TRAT1: variants seen among roughly 807,000 people sequenced by gnomAD.
TRAT1 encodes T cell receptor associated transmembrane adaptor 1.
Under a neutral mutation model 20.0 loss-of-function variants are expected in TRAT1, and 20 were observed. That is an observed-to-expected ratio of 1.00 (90% CI 0.70 to 1.45). The LOEUF is 1.45. TRAT1 is among the 40% of genes most tolerant of loss of function. The pLI is 0.00. For synonymous variants in TRAT1, 77 were observed against 74.2 expected, an observed-to-expected ratio of 1.04 and a Z score of -0.20; for missense variants, 237 against 224.1, an observed-to-expected ratio of 1.06 and a Z score of -0.37.
chr3:108,838,970 A>T lies in TRAT1; in HGVS notation c.152+3A>T, dbSNP rs761586345. On this transcript the variant is annotated splice_donor_region_variant and intron_variant, in intron 3 of 5. Transcript: ENST00000295756. ...AGCTACTCCAGTGACCACACCAGGT[A>T]TGTTGTGATTCAGTCATGGATCATG... 56 of 1,603,460 alleles carry T rather than the reference A, an allele frequency of 3.5e-5. No homozygotes were observed. The Admixed American group carries it at 8.7e-4, about 25-fold the overall frequency.
rs1169665074 is a variant in TRAT1, at chr3:108,847,057, C to G, written c.153-11C>G. 6.9e-7 allele frequency: 1 copy of G among 1,444,844 alleles called. No individual in the cohort carries two copies. Among genetic ancestry groups the G allele is most frequent in the Non-Finnish European group, 9.6e-7 (1 of 1,040,008 alleles). The allele number at this position is 1,444,844 out of a possible 1,614,324, so 89.5% of individuals were successfully genotyped here. ...GAATCTAATAAGGTAAATTATTTTT[C>G]CTTGTTATAGGGTTGATGAGTATTA... On this transcript the variant is annotated splice_polypyrimidine_tract_variant and intron_variant, in intron 3 of 5. Coordinates refer to ENST00000295756, the MANE Select transcript of TRAT1 (RefSeq NM_016388.4).
At chr3:108,830,821 T>C in intron 2 of TRAT1, 41 bp downstream of exon 2, 1 of 1,231,452 alleles carries the variant, frequency 8.1e-7, no homozygotes. Flanking sequence ...CCTGCTTGAA[T>C]GGAGACTATG....
intron 4 of TRAT1, 34 bp downstream of exon 4, chr3:108,847,163 T>A: frequency 7.7e-7 from 1 of 1,301,728 alleles, no homozygotes; most frequent in Non-Finnish European, 1.1e-6. Flanking sequence ...TATAAATAAG[T>A]AAATCCCAGT....
chr3:108,850,588 G>A (rs1002933747), intron 5 of TRAT1, among the ~76,000 whole-genome samples: 1 of 152,222 alleles, frequency 6.6e-6, no homozygotes. Flanking sequence ...ACAGGCATGA[G>A]CCATCGTGCC....
chr3:108,834,293 G>T lies in TRAT1; in HGVS notation c.118+3513G>T, dbSNP rs78290135. ...ATACACTGGAACTTGCATTTTATTG[G>T]TGTGCAATTGATGTATTCATCAACG... On this transcript the variant is annotated intron_variant, in intron 2 of 5. Transcript: ENST00000295756. Among the ~76,000 whole-genome samples the T allele has an allele frequency of 9.5e-3, 1,445 of 152,236 alleles. 8 individuals are homozygous for T. The highest frequency in any genetic ancestry group is 0.015 in the Non-Finnish European group (987 of 68,008).
rs1053737476 is a variant in TRAT1, at chr3:108,851,440, A to G, written c.304-2180A>G. Among the ~76,000 whole-genome samples, 8 of 152,064 alleles carry G rather than the reference A, an allele frequency of 5.3e-5. 1 individual carries two copies. The highest frequency in any genetic ancestry group is 3.9e-4 in the Admixed American group (6 of 15,248). On this transcript the variant is annotated intron_variant, in intron 5 of 5. Coordinates refer to ENST00000295756, the MANE Select transcript of TRAT1 (RefSeq NM_016388.4). ...CTCTTCATATCCAAATCTCTAATCA[A>G]TCTTTTCCTCCTATGTCAGAAGCAT... is the stretch of plus-strand genomic sequence containing the variant.
chr3:108,847,175 G>A, intron 4 of TRAT1, 46 bp downstream of exon 4: 4 of 1,198,874 alleles, frequency 3.3e-6, no homozygotes, highest in Middle Eastern at 2.0e-4. Flanking sequence ...AATCCCAGTT[G>A]GTTTCACAAA....
intron 3 of TRAT1, chr3:108,839,209 CT>C (rs1415063001): frequency 2.0e-6 from 1 of 509,564 alleles, no homozygotes; most frequent in Non-Finnish European, 3.4e-6. Context: ...AGATTCTAAC[CT>C]GATAACTATA....
Position 108,822,850 on chromosome 3 carries a change from G to GA in TRAT1, c.-72dup. Reference sequence around the variant, plus strand: ...AACATAACAGAGCAACATCACCTAGGAAAAAAGTTTGTAGGAGGATTTTTA... The same window carrying GA: ...AACATAACAGAGCAACATCACCTAGGAAAAAAAGTTTGTAGGAGGATTTTTA... On this transcript the variant is annotated 5_prime_UTR_variant, in exon 1 of 6. Transcript: ENST00000295756. The GA allele has an allele frequency of 1.5e-6, 2 of 1,343,990 alleles. No homozygotes were observed. Among genetic ancestry groups the GA allele is most frequent in the Non-Finnish European group, 2.1e-6 (2 of 942,896 alleles). 83.3% of individuals were successfully genotyped at this position (1,343,990 alleles called of 1,614,324 possible). A position where few individuals can be genotyped will look rare whatever the true frequency, so the allele number is the denominator to read the frequency against.
At chr3:108,849,292 A>G in intron 5 of TRAT1, 38 bp downstream of exon 5, 1 of 1,516,084 alleles carries the variant, frequency 6.6e-7, no homozygotes, top group Non-Finnish European at 9.1e-7. Context: ...TGCACATTTC[A>G]AGAGCATAAG....
intron 3 of TRAT1, among the ~76,000 whole-genome samples, chr3:108,844,843 C>CAAAAAAAAAAAAAAAAAAAA (rs71103495): frequency 2.1e-5 from 1 of 47,830 alleles, no homozygotes; most frequent in African/African-American, 8.6e-5. Context: ...GACTCTGTCT[C>CAAAAAAAAAAAAAAAAAAAA]AAAAAAAAAA....
Position 108,838,932 on chromosome 3 carries a change from A to G in TRAT1, c.119-2A>G. ...AACTTGTCTATTTTGAATATCTTTC[A>G]GATAAAATGTACAGCTACTCCAGTG... On this transcript the variant is annotated splice_acceptor_variant, in intron 2 of 5. Transcript: ENST00000295756. LOFTEE classifies it high-confidence loss of function. 2 of 1,604,002 alleles carry G rather than the reference A, an allele frequency of 1.2e-6. No individual in the cohort carries two copies. The highest frequency in any genetic ancestry group is 2.2e-5 in the South Asian group (2 of 90,796).
Position 108,840,529 on chromosome 3 carries a change from G to T in TRAT1, c.152+1562G>T, listed in dbSNP as rs555045608. On this transcript the variant is annotated intron_variant, in intron 3 of 5. Coordinates refer to ENST00000295756, the MANE Select transcript of TRAT1 (RefSeq NM_016388.4). ...AAAGCAATCAGGCTTTTAGCTGTAGGGCAAATGTAAAAAAAAAAAAAAAGC... is the reference window on the plus strand; with the variant it reads ...AAAGCAATCAGGCTTTTAGCTGTAGTGCAAATGTAAAAAAAAAAAAAAAGC... 1.2e-4 allele frequency among the ~76,000 whole-genome samples: 16 copies of T among 132,240 alleles called. No homozygotes were observed. The South Asian group carries it at 4.6e-3, about 38-fold the overall frequency. The allele number at this position is 132,240 out of a possible 152,430, so 86.8% of individuals were successfully genotyped here.
rs905901931 is a variant in TRAT1 at position 108,848,264 on chromosome 3, T to C, written c.215-902T>C. On this transcript the variant is annotated intron_variant, in intron 4 of 5. Coordinates refer to ENST00000295756, the MANE Select transcript of TRAT1 (RefSeq NM_016388.4). Reference sequence around the variant, plus strand: ...TACTTAACATCCCAGGTGATTCTGATGCAGATTTTCCATGGACCATGATTT... The same window carrying C: ...TACTTAACATCCCAGGTGATTCTGACGCAGATTTTCCATGGACCATGATTT... 1.6e-4 allele frequency among the ~76,000 whole-genome samples: 24 copies of C among 152,216 alleles called. 1 individual carries two copies. The highest frequency in any genetic ancestry group is 5.9e-5 in the Non-Finnish European group (4 of 68,038).
chr3:108,838,346 T>G (rs28658237), intron 2 of TRAT1, among the ~76,000 whole-genome samples: 3 of 143,272 alleles, frequency 2.1e-5, no homozygotes, highest in African/African-American at 5.5e-5. Flanking sequence ...AGATGATAGA[T>G]ATAGATAGAT....
intron 2 of TRAT1, among the ~76,000 whole-genome samples, chr3:108,836,795 G>A (rs762192233): frequency 4.6e-5 from 7 of 152,176 alleles, no homozygotes; most frequent in East Asian, 1.9e-4. Context: ...AGCAATTTGC[G>A]TGTTGTCACA....
intron 2 of TRAT1, among the ~76,000 whole-genome samples, chr3:108,832,984 T>C (rs1945808027): frequency 6.6e-6 from 1 of 152,238 alleles, no homozygotes; most frequent in South Asian, 2.1e-4. Flanking sequence ...AAATAGGTTT[T>C]ACAATTCTCA....
chr3:108,833,095 A>G (rs2107508373), intron 2 of TRAT1, among the ~76,000 whole-genome samples: 1 of 152,324 alleles, frequency 6.6e-6, no homozygotes, highest in Middle Eastern at 3.4e-3. Flanking sequence ...TAATTTGACC[A>G]CTGCAGAAAG....
chr3:108,841,945 G>A (rs994563885), intron 3 of TRAT1, among the ~76,000 whole-genome samples: 3 of 152,090 alleles, frequency 2.0e-5, no homozygotes, highest in African/African-American at 7.2e-5. Flanking sequence ...GGGGAAATGA[G>A]CATTGGTGAA....
Sources: gnomAD v4.1 joint callset for allele counts (sites outside exome capture counted in the v4.1 genomes callset) on GRCh38, gnomAD v4.1.1 for gene constraint, MANE v1.5 for transcripts, NCBI Gene and HGNC (gene_info 2026-07-23, HGNC 2026-07-21) for gene names.